Variants in CHN1 observed in about 807,000 individuals in gnomAD.
CHN1 encodes the protein chimerin 1.
A neutral mutation model predicts 59.5 loss-of-function variants in CHN1; 37 were observed. The observed-to-expected ratio is 0.62, with a 90% CI of 0.48 to 0.82. The LOEUF is 0.82. Ranked by LOEUF, CHN1 falls within the 40% of genes least tolerant of loss-of-function variation. The probability of loss-of-function intolerance (pLI) is 0.00; values close to 1 mark genes in which losing one functional copy is unlikely to be tolerated. For synonymous variants in CHN1, 206 were observed against 200.4 expected, an observed-to-expected ratio of 1.03 and a Z score of -0.24; for missense variants, 469 against 571.0, an observed-to-expected ratio of 0.82 and a Z score of 1.82.
chr2:174,923,164 G>C (rs753872073), intron 3 of CHN1, among the ~76,000 whole-genome samples: 2 of 150,300 alleles, frequency 1.3e-5, no homozygotes, highest in Non-Finnish European at 3.0e-5. Flanking sequence ...TTTTTGAGAC[G>C]GAGTCTCGCT....
chr2:174,918,477 C>T (rs1226672377), intron 4 of CHN1, 57 bp downstream of exon 4: 6 of 1,309,140 alleles, frequency 4.6e-6, no homozygotes, highest in Non-Finnish European at 6.3e-6. Flanking sequence ...CATCCATTTA[C>T]CCTGTCTGTC....
intron 9 of CHN1, chr2:174,812,082 A>G: frequency 2.6e-6 from 1 of 383,986 alleles, no homozygotes; most frequent in Non-Finnish European, 4.6e-6. Flanking sequence ...CTATAAATAT[A>G]TTTTTATACA....
At chr2:174,866,763 A>T (rs1322842429) in intron 6 of CHN1, among the ~76,000 whole-genome samples, 2 of 152,244 alleles carry the variant, frequency 1.3e-5, no homozygotes, top group Non-Finnish European at 1.5e-5. Flanking sequence ...ATGATTACAT[A>T]TGAAGCTAAA....
At chr2:174,833,750 A>T (rs1305140170) in intron 7 of CHN1, among the ~76,000 whole-genome samples, 1 of 150,682 alleles carries the variant, frequency 6.6e-6, no homozygotes. Context: ...TGTTAGTTTA[A>T]CTATGTCAAT....
In CHN1 at chr2:174,830,620, G is replaced by C. The variant is rs568341626; in HGVS notation, c.628-6102C>G. Among the ~76,000 whole-genome samples the C allele has an allele frequency of 4.6e-5, 7 of 152,290 alleles. No homozygotes were observed. In the East Asian group the frequency reaches 1.4e-3, roughly 29 times the overall value. ...AAATGGATGTGTAATTGATGACCAT[G>C]GCAGGAAAGGCAGAAGAAATGCACC... is the stretch of plus-strand genomic sequence containing the variant. On this transcript the variant is annotated intron_variant, in intron 7 of 12. Transcript: ENST00000409900.
intron 1 of CHN1, among the ~76,000 whole-genome samples, chr2:174,961,122 A>AAGGAAGGAAGGGAGGAAGGGAAGGGAGGG (rs373382092): frequency 0.27 from 32,962 of 124,208 alleles, 5,784 homozygotes; most frequent in Admixed American, 0.37. Context: ...TGACGGAGGG[A>AAGGAAGGAAGGGAGGAAGGGAAGGGAGGG]AGGAAGGAAG....
At chr2:174,928,461 A>G (rs1300072022) in intron 3 of CHN1, among the ~76,000 whole-genome samples, 2 of 152,242 alleles carry the variant, frequency 1.3e-5, no homozygotes, top group African/African-American at 2.4e-5. Context: ...TAAAAGTTTA[A>G]TTGTAAGCAT....
chr2:174,920,799 T>C (rs563213853), intron 3 of CHN1, among the ~76,000 whole-genome samples: 2 of 152,298 alleles, frequency 1.3e-5, no homozygotes, highest in African/African-American at 4.8e-5. Context: ...GGTTTCAGGA[T>C]GATTCAAGCA....
At chr2:174,993,315 C>T (rs1691608215) in intron 1 of CHN1, among the ~76,000 whole-genome samples, 1 of 138,250 alleles carries the variant, frequency 7.2e-6, no homozygotes, top group Non-Finnish European at 1.6e-5. Context: ...TCTCTCTCCC[C>T]TATCACAATA....
At position 174,877,883 on chromosome 2, in the gene CHN1, T is replaced by C. The variant is rs768686689; in HGVS notation, c.506A>G (p.Asp169Gly). The change falls in exon 6 of 13, where the codon GAT becomes GGT. Residue 169 changes from aspartate (D) to glycine (G), a missense_variant. Physicochemically the swap from Asp to Gly is moderately conservative, Grantham distance 94. Coordinates refer to ENST00000409900, the MANE Select transcript of CHN1 (RefSeq NM_001822.7). ...KHMPVLKETH[D>G]ERDSTGQDGV... ...ATCCTGGCCTGTAGAATCTCTCTCA[T>C]CATGTGTCTCTTTCAGGACTGGCAT... 1 of 1,613,850 alleles carries C rather than the reference T, an allele frequency of 6.2e-7. No homozygotes were observed. The highest frequency in any genetic ancestry group is 1.7e-5 in the Admixed American group (1 of 60,010).
chr2:174,962,405 T>TTATCC (rs1574218041), intron 1 of CHN1, among the ~76,000 whole-genome samples: 1 of 152,040 alleles, frequency 6.6e-6, no homozygotes, highest in East Asian at 1.9e-4. Flanking sequence ...TTGTTCAAAG[T>TTATCC]TATCCAGGGC....
intron 5 of CHN1, among the ~76,000 whole-genome samples, chr2:174,894,193 G>A (rs1688139938): frequency 1.3e-5 from 2 of 151,910 alleles, no homozygotes; most frequent in Non-Finnish European, 2.9e-5. Context: ...GGAATGGGAG[G>A]AAATATTTAT....
chr2:175,004,783 C>T, intron 1 of CHN1, 111 bp downstream of exon 1: 2 of 476,010 alleles, frequency 4.2e-6, no homozygotes, highest in Non-Finnish European at 5.6e-6. Context: ...CGGCCCGCCC[C>T]GACCCCACGC....
At chr2:174,989,511 T>A (rs1691467450) in intron 1 of CHN1, among the ~76,000 whole-genome samples, 1 of 152,210 alleles carries the variant, frequency 6.6e-6, no homozygotes. Context: ...GGATCACACC[T>A]GTAATCCTGG....
intron 6 of CHN1, among the ~76,000 whole-genome samples, chr2:174,850,928 G>C (rs1378961296): frequency 1.3e-5 from 2 of 152,148 alleles, no homozygotes; most frequent in East Asian, 3.9e-4. Flanking sequence ...GCCATCCTGG[G>C]AAGCATGTTG....
intron 6 of CHN1, among the ~76,000 whole-genome samples, chr2:174,859,948 G>A (rs1421554066): frequency 6.6e-6 from 1 of 151,816 alleles, no homozygotes; most frequent in East Asian, 1.9e-4. Context: ...GATTAACCTC[G>A]GCATTAAAAA....
intron 5 of CHN1, among the ~76,000 whole-genome samples, chr2:174,912,742 A>C (rs1382421960): frequency 1.3e-5 from 2 of 152,248 alleles, no homozygotes; most frequent in African/African-American, 4.8e-5. Context: ...CTAGCCATAC[A>C]TCAAGTTTAA....
intron 1 of CHN1, among the ~76,000 whole-genome samples, chr2:174,988,228 G>A (rs547981880): frequency 7.9e-5 from 12 of 151,616 alleles, no homozygotes; most frequent in East Asian, 3.9e-4. Context: ...ATGGTGGTGC[G>A]CGCCTGTAGT....
intron 3 of CHN1, among the ~76,000 whole-genome samples, chr2:174,921,652 T>C (rs563383881): frequency 6.6e-6 from 1 of 151,956 alleles, no homozygotes; most frequent in African/African-American, 2.4e-5. Flanking sequence ...CAGTTCCGCA[T>C]GGCTGGGGAG....
Sources: gnomAD v4.1 joint callset for allele counts (sites outside exome capture counted in the v4.1 genomes callset) on GRCh38, gnomAD v4.1.1 for gene constraint, MANE v1.5 for transcripts, NCBI Gene and HGNC (gene_info 2026-07-23, HGNC 2026-07-21) for gene names.